The following RTN4R variants were observed in gnomAD, a reference collection of about 807,000 sequenced individuals.
The protein encoded by RTN4R is reticulon 4 receptor.
In RTN4R, 4 loss-of-function variants were observed where a neutral mutation model predicts 27.7. That is an observed-to-expected ratio of 0.14 (90% CI 0.07 to 0.33). RTN4R has a LOEUF of 0.33. Among genes scored for constraint, RTN4R ranks in the 10% least tolerant of loss-of-function variants. RTN4R has a pLI of 1.00. For synonymous variants in RTN4R, 290 were observed against 305.6 expected, an observed-to-expected ratio of 0.95 and a Z score of 0.53; for missense variants, 554 against 671.5, an observed-to-expected ratio of 0.83 and a Z score of 1.93.
intron 1 of RTN4R, among the ~76,000 whole-genome samples, chr22:20,259,648 G>T (rs957310701): frequency 6.6e-6 from 1 of 152,202 alleles, no homozygotes; most frequent in African/African-American, 2.4e-5. Flanking sequence ...CTGTCCTGCA[G>T]CCACTGGGCT....
At chr22:20,243,831 A>C in intron 1 of RTN4R, 2 of 254,958 alleles carry the variant, frequency 7.8e-6, no homozygotes, top group Non-Finnish European at 1.6e-5. Flanking sequence ...CACCCCTCCC[A>C]CCCAGACGCC....
At chr22:20,252,708 C>T (rs701424) in intron 1 of RTN4R, among the ~76,000 whole-genome samples, 84,973 of 152,018 alleles carry the variant, frequency 0.56, 24,115 homozygotes, top group African/African-American at 0.61. Context: ...CTGGGCTCCC[C>T]AGTCCCCCAT....
At chr22:20,243,827 T>G in intron 1 of RTN4R, 1 of 266,048 alleles carries the variant, frequency 3.8e-6, no homozygotes, top group South Asian at 3.6e-5. Flanking sequence ...CCTGCACCCC[T>G]CCCACCCAGA....
chr22:20,246,443 C>T lies in RTN4R; in HGVS notation c.23-3333G>A, dbSNP rs376682121. Among the ~76,000 whole-genome samples, 8 of 97,200 alleles carry T rather than the reference C, an allele frequency of 8.2e-5. No homozygotes were observed. In the South Asian group the frequency reaches 1.7e-3, roughly 21 times the overall value. The allele number at this position is 97,200 out of a possible 152,430, so 63.8% of individuals were successfully genotyped here. ...ACGTTCACTGCAGGAGGGAGTGTGGCGGGGGGAGGAGGAGGTGGGAGGAGA... is the reference window on the plus strand; with the variant it reads ...ACGTTCACTGCAGGAGGGAGTGTGGTGGGGGGAGGAGGAGGTGGGAGGAGA... On this transcript the variant is annotated intron_variant, in intron 1 of 1. Coordinates refer to ENST00000043402, the MANE Select transcript of RTN4R (RefSeq NM_023004.6).
rs548639274 is a variant in RTN4R, at chr22:20,242,327, C to T, written c.806G>A (p.Arg269His). The change falls in exon 2 of 2, where the codon CGC becomes CAC. Residue 269 changes from arginine to histidine, a missense_variant. Arg to His is a conservative substitution (Grantham distance 29). This residue lies in a region of RTN4R where 413 missense variants were observed against 542.3 expected (regional missense o/e 0.76). Transcript: ENST00000043402. Reference sequence around the variant, plus strand: ...CTTCTGCAGCCAGGCCCAGAGTGGGCGTGCCCGGCAGTCACACACCCAGGG... The same window carrying T: ...CTTCTGCAGCCAGGCCCAGAGTGGGTGTGCCCGGCAGTCACACACCCAGGG... The part of the protein sequence containing the change: ...DNPWVCDCRA[R>H]PLWAWLQKFR... The T allele has an allele frequency of 5.1e-5, 82 of 1,610,254 alleles. 2 individuals are homozygous for T. In the South Asian group the frequency reaches 7.9e-4, roughly 16 times the overall value.
intron 1 of RTN4R, among the ~76,000 whole-genome samples, chr22:20,260,462 C>T (rs573472494): frequency 6.6e-6 from 1 of 152,292 alleles, no homozygotes; most frequent in Non-Finnish European, 1.5e-5. Flanking sequence ...CTCCCAGGTT[C>T]CTGGTGGCAT....
chr22:20,247,717 C>T, intron 1 of RTN4R, among the ~76,000 whole-genome samples: 1 of 152,170 alleles, frequency 6.6e-6, no homozygotes, highest in East Asian at 1.9e-4. Context: ...ATGCCCTGGC[C>T]CTGGCCCCTG....
chr22:20,258,971 C>T lies in RTN4R; in HGVS notation c.22+9100G>A, dbSNP rs376307395. ...AGCCAGGAGGGTGGAGGCGCTGGAC[C>T]AAGGCTGGGGGTCAAGTGTGCACCG... is the stretch of plus-strand genomic sequence containing the variant. On this transcript the variant is annotated intron_variant, in intron 1 of 1. Transcript: ENST00000043402. Among the ~76,000 whole-genome samples, 15 of 152,234 alleles carry T rather than the reference C, an allele frequency of 9.9e-5. No homozygotes were observed. The East Asian group carries it at 2.1e-3, about 22-fold the overall frequency.
chr22:20,249,732 G>A (rs2145976562), intron 1 of RTN4R, among the ~76,000 whole-genome samples: 1 of 152,326 alleles, frequency 6.6e-6, no homozygotes, highest in Admixed American at 6.5e-5. Flanking sequence ...TGCGGCAGAG[G>A]AAGATGTGTA....
In RTN4R at chr22:20,242,470, G is replaced by A. The variant is rs771562274; in HGVS notation, c.663C>T (p.Ala221=). Residue 221 remains alanine (A), a synonymous_variant, in exon 2 of 2, where the codon GCC becomes GCT. Coordinates refer to ENST00000043402, the MANE Select transcript of RTN4R (RefSeq NM_023004.6). ...QNRVAHVHPH[A]FRDLGRLMTL... ...TCATGAGGCGGCCAAGGTCACGGAAGGCATGCGGGTGCACATGGGCCACGC... is the reference window on the plus strand; with the variant it reads ...TCATGAGGCGGCCAAGGTCACGGAAAGCATGCGGGTGCACATGGGCCACGC... 1.9e-6 allele frequency: 3 copies of A among 1,613,714 alleles called. No homozygotes were observed. Among genetic ancestry groups the A allele is most frequent in the Admixed American group, 3.3e-5 (2 of 60,034 alleles).
intron 1 of RTN4R, among the ~76,000 whole-genome samples, chr22:20,254,851 G>A (rs2051203061): frequency 6.6e-6 from 1 of 152,128 alleles, no homozygotes; most frequent in Non-Finnish European, 1.5e-5. Flanking sequence ...TGAGGGTGGT[G>A]GATGGGTAAA....
At position 20,258,239 on chromosome 22, in the gene RTN4R, G is replaced by A. The variant is rs967615505; in HGVS notation, c.22+9832C>T. Among the ~76,000 whole-genome samples, 8 of 152,182 alleles carry A rather than the reference G, an allele frequency of 5.3e-5. No homozygotes were observed. The South Asian group carries it at 6.2e-4, about 12-fold the overall frequency. On this transcript the variant is annotated intron_variant, in intron 1 of 1. Coordinates refer to ENST00000043402, the MANE Select transcript of RTN4R (RefSeq NM_023004.6). ...CTCCAAGGCCATTGCCCCTGCTGGC[G>A]TTTGCTCAAGGAGCTCCCCCTCCAG...
chr22:20,248,698 A>G (rs1446010211), intron 1 of RTN4R, among the ~76,000 whole-genome samples: 2 of 152,140 alleles, frequency 1.3e-5, no homozygotes, highest in Admixed American at 6.5e-5. Context: ...ACCCTGCTGC[A>G]TGGCAGGTGC....
At chr22:20,263,268 G>A (rs1223319817) in intron 1 of RTN4R, among the ~76,000 whole-genome samples, 4 of 152,072 alleles carry the variant, frequency 2.6e-5, no homozygotes, top group Admixed American at 2.6e-4. Flanking sequence ...TGGTCCTCCG[G>A]GGCACTTCAA....
In RTN4R at chr22:20,267,520, C is replaced by T. The variant is rs1190319324; in HGVS notation, c.22+551G>A. The T allele has an allele frequency of 9.9e-5, 43 of 435,110 alleles. No individual in the cohort carries two copies. In the Admixed American group the frequency reaches 1.1e-3, roughly 11 times the overall value. The allele number at this position is 435,110 out of a possible 1,614,324, so 27.0% of individuals were successfully genotyped here. The stretch of plus-strand genomic sequence containing the variant: ...GGCGGGCGTTGCTGCCTCCTCTCAC[C>T]GCCCGCCCTGGAGGCAGCGCTGGGA... On this transcript the variant is annotated intron_variant, in intron 1 of 1. Transcript: ENST00000043402.
At chr22:20,253,635 T>C (rs1056893007) in intron 1 of RTN4R, among the ~76,000 whole-genome samples, 3 of 151,936 alleles carry the variant, frequency 2.0e-5, no homozygotes, top group Non-Finnish European at 4.4e-5. Flanking sequence ...CCACCAGGCA[T>C]CCGGAAAACA....
chr22:20,242,817 G>T lies in RTN4R; in HGVS notation c.316C>A (p.Leu106Ile). The T allele has an allele frequency of 6.2e-7, 1 of 1,613,044 alleles. No individual in the cohort carries two copies. The highest frequency in any genetic ancestry group is 8.5e-7 in the Non-Finnish European group (1 of 1,179,950). The change falls in exon 2 of 2, where the codon CTC (leucine) becomes ATC (isoleucine). Residue 106 changes from leucine to isoleucine, a missense_variant. Around this residue, in one of 2 missense-constraint regions of RTN4R, gnomAD observed 413 missense variants for 542.3 expected, o/e 0.76. Coordinates refer to ENST00000043402, the MANE Select transcript of RTN4R (RefSeq NM_023004.6). Reference protein sequence around the residue: ...IDAAAFTGLALLEQLDLSDNA... With the variant: ...IDAAAFTGLAILEQLDLSDNA... ...TCGCTGAGGTCCAGCTGCTCCAGGA[G>T]GGCCAGGCCAGTGAAGGCAGCCGCA...
At chr22:20,249,020 C>T (rs1393424566) in intron 1 of RTN4R, 1 of 464,204 alleles carries the variant, frequency 2.2e-6, no homozygotes, top group African/African-American at 2.0e-5. Flanking sequence ...AGGCCTCGCC[C>T]AGCCCAGGGC....
At chr22:20,243,359 C>T (rs1569034368) in intron 1 of RTN4R, 3 of 700,532 alleles carry the variant, frequency 4.3e-6, no homozygotes, top group Non-Finnish European at 8.0e-6. Flanking sequence ...TGCAGACTCC[C>T]CATACCACAC....
Sources: gnomAD v4.1 joint callset for allele counts (sites outside exome capture counted in the v4.1 genomes callset) on GRCh38, gnomAD v4.1.1 for gene constraint, gnomAD v4.1.1 regional missense constraint, MANE v1.5 for transcripts, NCBI Gene and HGNC (gene_info 2026-07-23, HGNC 2026-07-21) for gene names.